Variants in CEP112 observed in about 807,000 individuals in gnomAD.
CEP112 encodes the protein centrosomal protein of 112 kDa.
Under a neutral mutation model 153.0 loss-of-function variants are expected in CEP112, and 127 were observed. That is an observed-to-expected ratio of 0.83 (90% CI 0.72 to 0.96). The LOEUF (loss-of-function observed/expected upper bound fraction) is 0.96. Among genes scored for constraint, CEP112 ranks in the 40% least tolerant of loss-of-function variants. The probability of loss-of-function intolerance (pLI) is 0.00; values close to 1 mark genes in which losing one functional copy is unlikely to be tolerated. For missense variants in CEP112, 1,089 were observed against 1,101.2 expected, an observed-to-expected ratio of 0.99 and a Z score of 0.16; for synonymous variants, 358 against 374.4, an observed-to-expected ratio of 0.96 and a Z score of 0.51.
chr17:65,818,536 A>T (rs1017014653), intron 21 of CEP112, among the ~76,000 whole-genome samples: 5 of 151,874 alleles, frequency 3.3e-5, no homozygotes, highest in Non-Finnish European at 7.4e-5. Flanking sequence ...TCTTTCAAAA[A>T]TTACAACAAA....
intron 23 of CEP112, among the ~76,000 whole-genome samples, chr17:65,702,093 G>A (rs1346317887): frequency 6.6e-6 from 1 of 151,776 alleles, no homozygotes; most frequent in Non-Finnish European, 1.5e-5. Context: ...CCAGGCTGGT[G>A]TTGAACTCCT....
At chr17:65,826,715 C>T (rs1315236104) in intron 21 of CEP112, among the ~76,000 whole-genome samples, 2 of 152,200 alleles carry the variant, frequency 1.3e-5, no homozygotes, top group African/African-American at 2.4e-5. Context: ...TAATAGAGAA[C>T]ATTTCGAAAT....
At chr17:65,680,201 G>A (rs1219419828) in intron 24 of CEP112, among the ~76,000 whole-genome samples, 2 of 152,174 alleles carry the variant, frequency 1.3e-5, no homozygotes, top group African/African-American at 4.8e-5. Flanking sequence ...TATAATGTCT[G>A]AGGAATAGCT....
chr17:66,157,225 A>C (rs1379353098), intron 4 of CEP112, among the ~76,000 whole-genome samples: 2 of 152,230 alleles, frequency 1.3e-5, no homozygotes, highest in African/African-American at 4.8e-5. Flanking sequence ...GCCAATATTC[A>C]ACATTCTTAA....
At chr17:65,764,706 AT>A (rs1205534129) in intron 21 of CEP112, among the ~76,000 whole-genome samples, 1 of 151,638 alleles carries the variant, frequency 6.6e-6, no homozygotes, top group South Asian at 2.1e-4. Flanking sequence ...TTGGATCTTG[AT>A]TTTTTATTCA....
intron 16 of CEP112, among the ~76,000 whole-genome samples, chr17:66,021,532 G>A (rs949727099): frequency 6.6e-6 from 1 of 152,210 alleles, no homozygotes; most frequent in Admixed American, 6.5e-5. Flanking sequence ...TGGCTCCCTT[G>A]CTTGGAATAG....
At chr17:65,685,667 A>ATTTTTTTTTTTTTTTTTTTTTTTTTTT in intron 24 of CEP112, among the ~76,000 whole-genome samples, 2 of 105,318 alleles carry the variant, frequency 1.9e-5, no homozygotes, top group Non-Finnish European at 3.7e-5. Flanking sequence ...AATAGTTCTA[A>ATTTTTTTTTTTTTTTTTTTTTTTTTTT]TTTTTTTTTT....
At chr17:65,686,188 A>G (rs2047781032) in intron 24 of CEP112, among the ~76,000 whole-genome samples, 2 of 148,662 alleles carry the variant, frequency 1.3e-5, no homozygotes, top group South Asian at 4.3e-4. Flanking sequence ...GGTTACAAAG[A>G]TTATGAAATA....
At chr17:66,151,066 G>C (rs1021266079) in intron 4 of CEP112, among the ~76,000 whole-genome samples, 5 of 151,920 alleles carry the variant, frequency 3.3e-5, no homozygotes, top group Non-Finnish European at 5.9e-5. Flanking sequence ...TTACTTTCAA[G>C]CTATTTATCT....
At chr17:65,883,326 C>T (rs924107466) in intron 20 of CEP112, among the ~76,000 whole-genome samples, 2 of 150,554 alleles carry the variant, frequency 1.3e-5, no homozygotes, top group South Asian at 2.1e-4. Context: ...CTATATACTT[C>T]GTATATATAT....
intron 24 of CEP112, among the ~76,000 whole-genome samples, chr17:65,659,481 T>C (rs140732333): frequency 4.7e-4 from 71 of 152,322 alleles, no homozygotes; most frequent in Non-Finnish European, 8.4e-4. Flanking sequence ...AAGGCAGCCG[T>C]TGTCCCACCG....
At chr17:65,780,020 A>C (rs2053909775) in intron 21 of CEP112, among the ~76,000 whole-genome samples, 1 of 152,066 alleles carries the variant, frequency 6.6e-6, no homozygotes, top group South Asian at 2.1e-4. Context: ...ATTTGGTCCT[A>C]TTTCTGAATA....
At chr17:65,717,883 G>A (rs1368301360) in intron 23 of CEP112, among the ~76,000 whole-genome samples, 1 of 152,028 alleles carries the variant, frequency 6.6e-6, no homozygotes, top group Non-Finnish European at 1.5e-5. Context: ...GAACTGAACC[G>A]TCCACTGACA....
intron 20 of CEP112, among the ~76,000 whole-genome samples, chr17:65,896,064 CAA>C (rs2059648745): frequency 6.6e-6 from 1 of 152,016 alleles, no homozygotes; most frequent in Admixed American, 6.6e-5. Flanking sequence ...TTAGTTGACA[CAA>C]AGTTACTAAT....
chr17:65,991,232 T>A (rs982507678), intron 17 of CEP112, among the ~76,000 whole-genome samples: 1 of 152,222 alleles, frequency 6.6e-6, no homozygotes, highest in Non-Finnish European at 1.5e-5. Context: ...AACTTTGATA[T>A]AATTCATTGA....
intron 5 of CEP112, among the ~76,000 whole-genome samples, chr17:66,132,450 T>C (rs1020633562): frequency 1.3e-5 from 2 of 152,062 alleles, no homozygotes; most frequent in African/African-American, 4.8e-5. Flanking sequence ...AAACAACAGA[T>C]TGATGAATAT....
At chr17:66,099,007 C>G (rs954026763) in intron 6 of CEP112, among the ~76,000 whole-genome samples, 6 of 152,092 alleles carry the variant, frequency 3.9e-5, no homozygotes, top group African/African-American at 1.4e-4. Flanking sequence ...CACAAAAAAA[C>G]TTAATGGCTC....
chr17:65,982,361 A>G (rs1207151455), intron 17 of CEP112, among the ~76,000 whole-genome samples: 1 of 152,240 alleles, frequency 6.6e-6, no homozygotes, highest in Non-Finnish European at 1.5e-5. Context: ...ATATCCCCGA[A>G]GTAGAGAAGG....
intron 4 of CEP112, among the ~76,000 whole-genome samples, chr17:66,154,180 A>T (rs916090915): frequency 4.6e-5 from 7 of 151,156 alleles, no homozygotes; most frequent in Non-Finnish European, 1.0e-4. Flanking sequence ...TCCGTCTCAA[A>T]AAAAAGGGGG....
Sources: allele counts gnomAD v4.1 joint callset (sites outside exome capture counted in the v4.1 genomes callset), GRCh38; gene constraint gnomAD v4.1.1; transcripts MANE v1.5; gene names NCBI Gene and HGNC (gene_info 2026-07-23, HGNC 2026-07-21).